DDC: variants seen among roughly 807,000 people sequenced by gnomAD.
The protein encoded by DDC is aromatic-L-amino-acid decarboxylase.
Under a neutral mutation model 60.0 loss-of-function variants are expected in DDC, and 43 were observed. The observed-to-expected ratio is 0.72, with a 90% CI of 0.56 to 0.92. DDC has a LOEUF of 0.92. Ranked by LOEUF, DDC falls within the 40% of genes least tolerant of loss-of-function variation. DDC has a pLI of 0.00. For synonymous variants in DDC, 232 were observed against 234.6 expected (o/e 0.99, Z 0.10); for missense variants, 573 against 620.2 (o/e 0.92, Z 0.81).
chr7:50,463,374 G>A lies in DDC; in HGVS notation c.1300C>T (p.His434Tyr), dbSNP rs1377396127. ...LQRINSAKKI[H>Y]LVPCHLRDKF... ...TCCCTGAGGTGACATGGAACCAAGTGGATTTTTTTGGCACTGTTTATTCTT... is the reference window on the plus strand; with the variant it reads ...TCCCTGAGGTGACATGGAACCAAGTAGATTTTTTTGGCACTGTTTATTCTT... The change falls in exon 14 of 15, where the codon CAC (histidine) becomes TAC (tyrosine). Residue 434 changes from histidine (H) to tyrosine (Y), a missense_variant. By Grantham distance (83) the His-to-Tyr change is moderately conservative. Transcript: ENST00000444124. 1 of 1,614,164 alleles carries A rather than the reference G, an allele frequency of 6.2e-7. No individual in the cohort carries two copies.
intron 6 of DDC, among the ~76,000 whole-genome samples, chr7:50,510,450 CTT>C (rs1458226103): frequency 6.6e-6 from 1 of 151,468 alleles, no homozygotes; most frequent in East Asian, 2.0e-4. Flanking sequence ...TGGCAGATCA[CTT>C]GAGGTCAGGA....
chr7:50,462,022 C>T (rs1175619159), intron 14 of DDC, among the ~76,000 whole-genome samples: 3 of 152,104 alleles, frequency 2.0e-5, no homozygotes, highest in Non-Finnish European at 2.9e-5. Flanking sequence ...GAGCACTATA[C>T]TTTTTCAGAT....
At chr7:50,459,411 G>T (rs1317063431) in intron 14 of DDC, among the ~76,000 whole-genome samples, 1 of 152,176 alleles carries the variant, frequency 6.6e-6, no homozygotes, top group Non-Finnish European at 1.5e-5. Context: ...TCTCTGCCTG[G>T]CCGCCCATCG....
chr7:50,460,430 G>T (rs375215581), intron 14 of DDC, among the ~76,000 whole-genome samples: 1 of 150,562 alleles, frequency 6.6e-6, no homozygotes, highest in Admixed American at 6.6e-5. Context: ...CCCCCTGCCC[G>T]GCCAGCCGCC....
intron 6 of DDC, among the ~76,000 whole-genome samples, chr7:50,521,016 A>G (rs1177693125): frequency 6.6e-6 from 1 of 152,030 alleles, no homozygotes; most frequent in Non-Finnish European, 1.5e-5. Context: ...GGAAATAGGA[A>G]ATAAAGAAAA....
chr7:50,544,018 C>A lies in DDC; in HGVS notation c.68G>T (p.Gly23Val). 7 of 1,614,194 alleles carry A rather than the reference C, an allele frequency of 4.3e-6. No individual in the cohort carries two copies. Among genetic ancestry groups the A allele is most frequent in the Non-Finnish European group, 5.1e-6 (6 of 1,180,016 alleles). The change falls in exon 2 of 15, where the codon GGC becomes GTC. Residue 23 changes from glycine to valine, a missense_variant. Gly to Val is a moderately radical substitution (Grantham distance 109). Transcript: ENST00000444124. ...MVDYMANYMEGIEGRQVYPDV... is the reference protein window; with the variant it reads ...MVDYMANYMEVIEGRQVYPDV... Reference sequence around the variant, plus strand: ...AGGGTAGACCTGGCGTCCCTCAATGCCTTCCATGTAGTTGGCCATGTAATC... The same window carrying A: ...AGGGTAGACCTGGCGTCCCTCAATGACTTCCATGTAGTTGGCCATGTAATC...
chr7:50,556,277 C>G (rs1454650298), intron 1 of DDC, among the ~76,000 whole-genome samples: 1 of 152,122 alleles, frequency 6.6e-6, no homozygotes, highest in Non-Finnish European at 1.5e-5. Flanking sequence ...AAGATTAAGG[C>G]CCCGGCAGAT....
chr7:50,556,006 G>C (rs2045175154), intron 1 of DDC, among the ~76,000 whole-genome samples: 1 of 152,170 alleles, frequency 6.6e-6, no homozygotes, highest in Non-Finnish European at 1.5e-5. Flanking sequence ...TTTCTCCTAG[G>C]GCTGCAAGGA....
At chr7:50,524,704 C>G (rs1327531969) in intron 6 of DDC, among the ~76,000 whole-genome samples, 3 of 152,188 alleles carry the variant, frequency 2.0e-5, no homozygotes, top group Non-Finnish European at 4.4e-5. Flanking sequence ...GCCTGATTTT[C>G]TCAAGCATTG....
At chr7:50,469,471 C>T (rs2042480968) in intron 12 of DDC, among the ~76,000 whole-genome samples, 1 of 152,124 alleles carries the variant, frequency 6.6e-6, no homozygotes, top group South Asian at 2.1e-4. Flanking sequence ...GAGAAAAACA[C>T]AGTCCTTATG....
At chr7:50,464,347 G>A (rs2042348859) in intron 13 of DDC, among the ~76,000 whole-genome samples, 2 of 152,058 alleles carry the variant, frequency 1.3e-5, no homozygotes, top group African/African-American at 4.8e-5. Flanking sequence ...CAAATCCCCT[G>A]GCCTCTAGCT....
intron 1 of DDC, among the ~76,000 whole-genome samples, chr7:50,559,585 G>T (rs574923239): frequency 2.6e-5 from 4 of 152,160 alleles, no homozygotes; most frequent in East Asian, 3.9e-4. Context: ...GCACAACCAC[G>T]CCTGTCTAAT....
At chr7:50,468,931 ATTTTT>A (rs36005269) in intron 12 of DDC, among the ~76,000 whole-genome samples, 2 of 86,166 alleles carry the variant, frequency 2.3e-5, no homozygotes, top group African/African-American at 4.4e-5. Flanking sequence ...CAGTTTCCTC[ATTTTT>A]TTTTTTTTTT....
chr7:50,556,150 G>C (rs1438756907), intron 1 of DDC, among the ~76,000 whole-genome samples: 1 of 152,198 alleles, frequency 6.6e-6, no homozygotes, highest in Non-Finnish European at 1.5e-5. Context: ...GGCTGGAGGT[G>C]AGACCGTGGC....
At chr7:50,526,350 T>C (rs977317916) in intron 6 of DDC, among the ~76,000 whole-genome samples, 3 of 151,978 alleles carry the variant, frequency 2.0e-5, no homozygotes, top group African/African-American at 7.2e-5. Context: ...CCAGAAAAAA[T>C]ATCTTCCAAA....
chr7:50,468,071 C>G (rs1157835270), intron 12 of DDC, among the ~76,000 whole-genome samples: 1 of 152,288 alleles, frequency 6.6e-6, no homozygotes, highest in African/African-American at 2.4e-5. Context: ...CTTGCTCATT[C>G]TAAGCCCGCG....
At chr7:50,539,786 C>A in intron 3 of DDC, 129 bp downstream of exon 3, 1 of 714,264 alleles carries the variant, frequency 1.4e-6, no homozygotes, top group Non-Finnish European at 2.5e-6. Flanking sequence ...CTCCTCCCTG[C>A]AACAGTAGCC....
At chr7:50,461,989 T>C (rs1383028006) in intron 14 of DDC, among the ~76,000 whole-genome samples, 4 of 152,164 alleles carry the variant, frequency 2.6e-5, no homozygotes, top group African/African-American at 9.7e-5. Context: ...ATACCAAACA[T>C]GATTTTCAAC....
At chr7:50,475,916 C>T (rs2042632950) in intron 11 of DDC, among the ~76,000 whole-genome samples, 1 of 152,086 alleles carries the variant, frequency 6.6e-6, no homozygotes, top group Non-Finnish European at 1.5e-5. Flanking sequence ...TCTCGAAGAC[C>T]TGACCTCAGA....
Sources: gnomAD v4.1 joint callset for allele counts (sites outside exome capture counted in the v4.1 genomes callset) on GRCh38, gnomAD v4.1.1 for gene constraint, MANE v1.5 for transcripts, NCBI Gene and HGNC (gene_info 2026-07-23, HGNC 2026-07-21) for gene names.